The following CPB2 variants were observed in gnomAD, a reference collection of about 807,000 sequenced individuals.
The protein encoded by CPB2 is carboxypeptidase B-like protein.
Under a neutral mutation model 57.0 loss-of-function variants are expected in CPB2, and 54 were observed. The ratio of observed to expected loss-of-function variants is 0.95; its 90% CI spans 0.76 to 1.19. The LOEUF (loss-of-function observed/expected upper bound fraction) is 1.19. Ranked by LOEUF, CPB2 falls within the 50% of genes most tolerant of loss-of-function variation. CPB2 has a pLI of 0.00. For missense variants in CPB2, 426 were observed against 512.0 expected, an observed-to-expected ratio of 0.83 and a Z score of 1.62; for synonymous variants, 189 against 178.1, an observed-to-expected ratio of 1.06 and a Z score of -0.49.
intron 6 of CPB2, among the ~76,000 whole-genome samples, chr13:46,068,964 G>C (rs906707530): frequency 6.6e-6 from 1 of 152,130 alleles, no homozygotes; most frequent in African/African-American, 2.4e-5. Context: ...AATATTAGGA[G>C]AGCCTGTTCC....
intron 6 of CPB2, among the ~76,000 whole-genome samples, chr13:46,072,956 G>A (rs1329214262): frequency 6.6e-6 from 1 of 152,138 alleles, no homozygotes; most frequent in East Asian, 1.9e-4. Context: ...TACCAATGGT[G>A]TTTGGGAATT....
chr13:46,080,711 C>A (rs1469104142), intron 4 of CPB2, among the ~76,000 whole-genome samples: 3 of 152,100 alleles, frequency 2.0e-5, no homozygotes, highest in Non-Finnish European at 2.9e-5. Flanking sequence ...TGGCTCACAC[C>A]TGTAATCCTA....
intron 1 of CPB2, among the ~76,000 whole-genome samples, chr13:46,102,920 T>C (rs2045454219): frequency 6.6e-6 from 1 of 152,184 alleles, no homozygotes; most frequent in Non-Finnish European, 1.5e-5. Context: ...TATTCTTTGG[T>C]TAAAATATAG....
chr13:46,084,460 G>A, intron 2 of CPB2, 117 bp from the exon 3 acceptor site: 2 of 1,060,758 alleles, frequency 1.9e-6, no homozygotes, highest in Non-Finnish European at 2.7e-6. Flanking sequence ...ACACTCCCTG[G>A]TGCTGGTCCC....
chr13:46,093,028 T>G (rs908918211), intron 1 of CPB2, among the ~76,000 whole-genome samples: 1 of 152,180 alleles, frequency 6.6e-6, no homozygotes, highest in East Asian at 1.9e-4. Flanking sequence ...TTCTCCTGCC[T>G]TAGCCTCCTG....
intron 8 of CPB2, among the ~76,000 whole-genome samples, chr13:46,061,976 C>G (rs1468970254): frequency 6.6e-6 from 1 of 150,382 alleles, no homozygotes; most frequent in Non-Finnish European, 1.5e-5. Flanking sequence ...AGAATAGATA[C>G]TGGAACAGTT....
At chr13:46,063,784 C>A (rs2044811359) in intron 8 of CPB2, among the ~76,000 whole-genome samples, 1 of 152,132 alleles carries the variant, frequency 6.6e-6, no homozygotes, top group Non-Finnish European at 1.5e-5. Flanking sequence ...CATAACTCAA[C>A]ATCATCGAAT....
At position 46,087,783 on chromosome 13, in the gene CPB2, G is replaced by T. The variant is rs2045232737; in HGVS notation, c.112C>A (p.Gln38Lys). The T allele has an allele frequency of 1.2e-6, 2 of 1,611,002 alleles. No individual in the cohort carries two copies. The highest frequency in any genetic ancestry group is 1.3e-5 in the African/African-American group (1 of 74,702). ...VLAALPRTSR[Q>K]VQVLQNLTTT... The stretch of plus-strand genomic sequence containing the variant: ...GTAAGATTCTGTAGAACTTGAACTT[G>T]CCTAGAGGTTCTAGGAAGAGCAGCT... Residue 38 changes from glutamine (Q) to lysine (K), a missense_variant, in exon 2 of 11, where the codon CAA becomes AAA. Gln to Lys is a moderately conservative substitution (Grantham distance 53). Coordinates refer to ENST00000181383, the MANE Select transcript of CPB2 (RefSeq NM_001872.5).
At chr13:46,092,260 A>C (rs888654794) in intron 1 of CPB2, among the ~76,000 whole-genome samples, 38 of 152,352 alleles carry the variant, frequency 2.5e-4, no homozygotes, top group African/African-American at 8.9e-4. Context: ...CAGCAACATT[A>C]TGACTAAATG....
intron 8 of CPB2, among the ~76,000 whole-genome samples, chr13:46,061,105 T>C (rs1268261403): frequency 6.6e-6 from 1 of 152,170 alleles, no homozygotes; most frequent in Non-Finnish European, 1.5e-5. Context: ...TAAAAAATTT[T>C]AGTAATAGAT....
At chr13:46,091,064 T>G (rs957733871) in intron 1 of CPB2, among the ~76,000 whole-genome samples, 47 of 152,216 alleles carry the variant, frequency 3.1e-4, no homozygotes, top group African/African-American at 1.1e-3. Flanking sequence ...AAATTTGCCT[T>G]TTCGTTAGTA....
chr13:46,078,935 G>T, intron 4 of CPB2, 34 bp from the exon 5 acceptor site: 1 of 1,375,002 alleles, frequency 7.3e-7, no homozygotes, highest in Non-Finnish European at 1.0e-6. Flanking sequence ...TAGTCACGAA[G>T]CCAAGTTCAA....
At chr13:46,063,063 C>G (rs535753449) in intron 8 of CPB2, among the ~76,000 whole-genome samples, 2 of 152,248 alleles carry the variant, frequency 1.3e-5, no homozygotes, top group South Asian at 4.1e-4. Flanking sequence ...TACTCCTTGT[C>G]AGGTTAGTTT....
chr13:46,055,863 GAT>G lies in CPB2; in HGVS notation c.1000-16_1000-15del. 7.0e-7 allele frequency: 1 copy of G among 1,433,782 alleles called. No homozygotes were observed. The highest frequency in any genetic ancestry group is 9.6e-7 in the Non-Finnish European group (1 of 1,036,802). The allele number at this position is 1,433,782 out of a possible 1,614,324, so 88.8% of individuals were successfully genotyped here. A position where few individuals can be genotyped will look rare whatever the true frequency, so the allele number is the denominator to read the frequency against. ...GGCTACTAGAGACTGGAAGCAACAAGATATAGAATTTCAGTTAATGTGCAGCT... is the reference window on the plus strand; with the variant it reads ...GGCTACTAGAGACTGGAAGCAACAAGATAGAATTTCAGTTAATGTGCAGCT... On this transcript the variant is annotated splice_polypyrimidine_tract_variant and intron_variant, in intron 9 of 10. Coordinates refer to ENST00000181383, the MANE Select transcript of CPB2 (RefSeq NM_001872.5).
At chr13:46,103,660 A>G (rs1360680650) in intron 1 of CPB2, among the ~76,000 whole-genome samples, 1 of 152,242 alleles carries the variant, frequency 6.6e-6, no homozygotes, top group African/African-American at 2.4e-5. Context: ...GCACAAACAC[A>G]GGCACTAAAT....
At chr13:46,060,990 A>G (rs2044764470) in intron 8 of CPB2, among the ~76,000 whole-genome samples, 1 of 152,154 alleles carries the variant, frequency 6.6e-6, no homozygotes, top group Non-Finnish European at 1.5e-5. Flanking sequence ...GCAAATTCAT[A>G]GAGACAGAAA....
intron 8 of CPB2, among the ~76,000 whole-genome samples, chr13:46,060,392 G>A (rs1423366941): frequency 6.6e-6 from 1 of 152,032 alleles, no homozygotes; most frequent in African/African-American, 2.4e-5. Context: ...AACCCAGGAG[G>A]CAGAGGTTGC....
Position 46,083,718 on chromosome 13 carries a change from C to T in CPB2, c.275+501G>A, listed in dbSNP as rs572059634. On this transcript the variant is annotated intron_variant, in intron 3 of 10. Transcript: ENST00000181383. ...TTGGGAGCAGAGAGGTGAATAATTC[C>T]CCCAGGGTCATATAGGTGGTAAGGG... Among the ~76,000 whole-genome samples, 166 of 152,222 alleles carry T rather than the reference C, an allele frequency of 1.1e-3. 1 individual carries two copies. The highest frequency in any genetic ancestry group is 2.1e-3 in the Non-Finnish European group (140 of 67,986).
chr13:46,060,893 G>A (rs753202339), intron 8 of CPB2, among the ~76,000 whole-genome samples: 1 of 152,160 alleles, frequency 6.6e-6, no homozygotes. Flanking sequence ...TACCAGGAAG[G>A]AACTTGGGCC....
Sources: gnomAD v4.1 joint callset for allele counts (sites outside exome capture counted in the v4.1 genomes callset) on GRCh38, gnomAD v4.1.1 for gene constraint, MANE v1.5 for transcripts, NCBI Gene and HGNC (gene_info 2026-07-23, HGNC 2026-07-21) for gene names.